Variants in SLC25A48 observed in about 807,000 individuals in gnomAD.
The protein encoded by SLC25A48 is solute carrier family 25 member 48.
Under a neutral mutation model 32.2 loss-of-function variants are expected in SLC25A48, and 29 were observed. The observed-to-expected ratio is 0.90, with a 90% CI of 0.67 to 1.23. The LOEUF (loss-of-function observed/expected upper bound fraction) is 1.23. Ranked by LOEUF, SLC25A48 falls within the 50% of genes most tolerant of loss-of-function variation. The pLI, the probability that SLC25A48 is intolerant of heterozygous loss-of-function variation, is 0.00. For missense variants in SLC25A48, 399 were observed against 422.7 expected (o/e 0.94, Z 0.49); for synonymous variants, 164 against 172.3 (o/e 0.95, Z 0.38).
intron 3 of SLC25A48, among the ~76,000 whole-genome samples, chr5:135,785,516 G>T (rs1447128191): frequency 1.3e-5 from 2 of 150,578 alleles, no homozygotes; most frequent in Admixed American, 1.3e-4. Flanking sequence ...ATGGGGCAGG[G>T]TGTGGAACAC....
rs1367820079 is a variant in SLC25A48, at chr5:135,834,684, A to T, written c.-164A>T. The T allele has an allele frequency of 1.4e-6, 1 of 725,982 alleles. No homozygotes were observed. The highest frequency in any genetic ancestry group is 2.2e-6 in the Non-Finnish European group (1 of 451,030). 45.0% of individuals were successfully genotyped at this position (725,982 alleles called of 1,614,324 possible). Reference sequence around the variant, plus strand: ...CGGCACTTGGAGAGGTGAGCGCGGCAGCCCGCGCAGCCGGTGACTGGGGGA... The same window carrying T: ...CGGCACTTGGAGAGGTGAGCGCGGCTGCCCGCGCAGCCGGTGACTGGGGGA... On this transcript the variant is annotated 5_prime_UTR_variant, in exon 1 of 8. Transcript: ENST00000681962.
intron 3 of SLC25A48, among the ~76,000 whole-genome samples, chr5:135,752,796 A>G (rs1421022368): frequency 2.6e-5 from 4 of 152,166 alleles, no homozygotes; most frequent in Admixed American, 1.3e-4. Flanking sequence ...GTGTAAACAC[A>G]TGGTGTACAC....
intron 3 of SLC25A48, among the ~76,000 whole-genome samples, chr5:135,810,912 C>T (rs1757577064): frequency 6.6e-6 from 1 of 152,154 alleles, no homozygotes; most frequent in African/African-American, 2.4e-5. Context: ...TCACTGAATC[C>T]AGGAGAAAAT....
At chr5:135,611,388 G>A (rs1752059111) in intron 1 of SLC25A48, among the ~76,000 whole-genome samples, 1 of 150,376 alleles carries the variant, frequency 6.6e-6, no homozygotes, top group Admixed American at 6.7e-5. Flanking sequence ...GGTGGTGTGC[G>A]CTTGTAGTCC....
chr5:135,770,449 T>C (rs1352750273), intron 3 of SLC25A48, among the ~76,000 whole-genome samples: 1 of 151,730 alleles, frequency 6.6e-6, no homozygotes, highest in Non-Finnish European at 1.5e-5. Context: ...TGTGATATTG[T>C]TTCTAATATC....
intron 3 of SLC25A48, among the ~76,000 whole-genome samples, chr5:135,751,202 C>T (rs1561475667): frequency 6.6e-6 from 1 of 152,208 alleles, no homozygotes. Context: ...CACTCCGTGC[C>T]TTCCAGCATC....
intron 1 of SLC25A48, among the ~76,000 whole-genome samples, chr5:135,579,808 A>T (rs1751192147): frequency 6.6e-6 from 1 of 152,170 alleles, no homozygotes; most frequent in Non-Finnish European, 1.5e-5. Context: ...AACCATCTGG[A>T]TGAAGGCCTT....
intron 1 of SLC25A48, among the ~76,000 whole-genome samples, chr5:135,579,754 C>G (rs1336307871): frequency 6.6e-6 from 1 of 152,112 alleles, no homozygotes; most frequent in Non-Finnish European, 1.5e-5. Context: ...ACACTACTCT[C>G]CAAAGCCAGG....
intron 3 of SLC25A48, among the ~76,000 whole-genome samples, chr5:135,751,181 T>C (rs1157759701): frequency 1.3e-5 from 2 of 152,198 alleles, no homozygotes; most frequent in Non-Finnish European, 2.9e-5. Context: ...GGGGTGGCTA[T>C]AGACAACTGA....
intron 4 of SLC25A48, among the ~76,000 whole-genome samples, chr5:135,857,015 C>T (rs1760380621): frequency 6.6e-6 from 1 of 152,240 alleles, no homozygotes; most frequent in Non-Finnish European, 1.5e-5. Flanking sequence ...CACCTGGCAC[C>T]TTGTCCCTGG....
chr5:135,586,555 A>G (rs1240574211), intron 1 of SLC25A48, among the ~76,000 whole-genome samples: 1 of 152,124 alleles, frequency 6.6e-6, no homozygotes, highest in Non-Finnish European at 1.5e-5. Flanking sequence ...TGGGTCTGCC[A>G]TGGGCGGAAT....
At chr5:135,590,386 C>A (rs1393059975) in intron 1 of SLC25A48, among the ~76,000 whole-genome samples, 1 of 152,206 alleles carries the variant, frequency 6.6e-6, no homozygotes, top group African/African-American at 2.4e-5. Context: ...GCCCATGGGC[C>A]CCCGGCCCCA....
At chr5:135,706,060 T>C (rs560561378) in intron 3 of SLC25A48, among the ~76,000 whole-genome samples, 2 of 152,196 alleles carry the variant, frequency 1.3e-5, no homozygotes, top group Non-Finnish European at 2.9e-5. Context: ...CCCAACCCTT[T>C]CTTTTCAAAG....
At chr5:135,582,784 G>T (rs184052041) in intron 1 of SLC25A48, among the ~76,000 whole-genome samples, 1 of 152,214 alleles carries the variant, frequency 6.6e-6, no homozygotes. Flanking sequence ...CCCTCCACCT[G>T]CAGTGCTCCT....
In SLC25A48 at chr5:135,843,506, A is replaced by T. The variant is rs142001877; in HGVS notation, c.90+1047A>T. Among the ~76,000 whole-genome samples the T allele has an allele frequency of 4.9e-3, 753 of 152,308 alleles. 3 individuals carry two copies. The highest frequency in any genetic ancestry group is 0.017 in the African/African-American group (725 of 41,566). ...CTGATGGACAATAATTAGGGAACAC[A>T]ACAGATGCACAAATCAGTTATGGAC... On this transcript the variant is annotated intron_variant, in intron 2 of 7. Transcript: ENST00000681962.
chr5:135,581,612 T>C (rs1751236715), intron 1 of SLC25A48, among the ~76,000 whole-genome samples: 1 of 152,252 alleles, frequency 6.6e-6, no homozygotes, highest in Non-Finnish European at 1.5e-5. Context: ...CACTGAGTTT[T>C]CACAGGAAAA....
intron 3 of SLC25A48, among the ~76,000 whole-genome samples, chr5:135,778,123 A>G (rs763409486): frequency 1.3e-5 from 2 of 151,838 alleles, no homozygotes; most frequent in Non-Finnish European, 2.9e-5. Flanking sequence ...TACTCCCAAT[A>G]TAGCAGGGGG....
At chr5:135,737,943 G>A (rs567643565) in intron 3 of SLC25A48, among the ~76,000 whole-genome samples, 7 of 152,272 alleles carry the variant, frequency 4.6e-5, no homozygotes, top group African/African-American at 7.2e-5. Context: ...AGGACCATCC[G>A]AGGAGCTCAG....
At chr5:135,635,552 A>C (rs1752680814) in intron 3 of SLC25A48, among the ~76,000 whole-genome samples, 1 of 152,240 alleles carries the variant, frequency 6.6e-6, no homozygotes, top group Admixed American at 6.5e-5. Flanking sequence ...GCAGGATTTC[A>C]TCTACAGATT....
Sources: gnomAD v4.1 joint callset for allele counts (sites outside exome capture counted in the v4.1 genomes callset) on GRCh38, gnomAD v4.1.1 for gene constraint, MANE v1.5 for transcripts, NCBI Gene and HGNC (gene_info 2026-07-23, HGNC 2026-07-21) for gene names.